The following SNX24 variants were observed in gnomAD, a reference collection of about 807,000 sequenced individuals.
The protein encoded by SNX24 is sorting nexin 24, also known as sorting nexin-24.
Under a neutral mutation model 28.7 loss-of-function variants are expected in SNX24, and 22 were observed. The ratio of observed to expected loss-of-function variants is 0.77; its 90% confidence interval spans 0.55 to 1.10. SNX24 has a LOEUF of 1.10. Among genes scored for constraint, SNX24 ranks in the 50% least tolerant of loss-of-function variants. SNX24 has a pLI of 0.00. For synonymous variants in SNX24, 69 were observed against 71.5 expected (o/e 0.96, Z 0.18); for missense variants, 221 against 201.1 (o/e 1.10, Z -0.60).
chr5:123,015,800 G>C (rs1762669465), intron 5 of SNX24, among the ~76,000 whole-genome samples: 1 of 152,062 alleles, frequency 6.6e-6, no homozygotes, highest in South Asian at 2.1e-4. Flanking sequence ...GAAGGAGCGG[G>C]CACAAAATCA....
chr5:123,015,364 C>T (rs1016276396), intron 5 of SNX24, among the ~76,000 whole-genome samples: 2 of 152,202 alleles, frequency 1.3e-5, no homozygotes, highest in Non-Finnish European at 2.9e-5. Context: ...GTTACATCCT[C>T]CTTGTTCTGA....
chr5:123,021,883 T>C (rs961201522), intron 5 of SNX24, among the ~76,000 whole-genome samples: 1 of 152,102 alleles, frequency 6.6e-6, no homozygotes, highest in African/African-American at 2.4e-5. Flanking sequence ...TATTTTCTCT[T>C]CCTTCCTCCT....
At chr5:122,999,809 G>A (rs1397952038) in intron 3 of SNX24, 103 bp from the exon 4 acceptor site, 7 of 761,148 alleles carry the variant, frequency 9.2e-6, no homozygotes, top group South Asian at 1.5e-5. Flanking sequence ...AATGTTGCTG[G>A]TAAGAACTTT....
At chr5:122,946,681 TC>T (rs1759703025) in intron 3 of SNX24, among the ~76,000 whole-genome samples, 1 of 152,174 alleles carries the variant, frequency 6.6e-6, no homozygotes, top group Non-Finnish European at 1.5e-5. Flanking sequence ...ACTGGGACAC[TC>T]TTTTCTGCAG....
intron 1 of SNX24, among the ~76,000 whole-genome samples, chr5:122,864,450 A>G (rs759453680): frequency 3.9e-5 from 6 of 152,254 alleles, no homozygotes; most frequent in South Asian, 2.1e-4. Context: ...GGGAACCGCA[A>G]CAGAGAAAGA....
At chr5:122,944,616 T>C (rs1581780753) in intron 2 of SNX24, among the ~76,000 whole-genome samples, 1 of 152,162 alleles carries the variant, frequency 6.6e-6, no homozygotes, top group East Asian at 1.9e-4. Flanking sequence ...GGTGTGGCAG[T>C]TTCATGATCA....
At chr5:122,875,047 C>T (rs898833724) in intron 1 of SNX24, among the ~76,000 whole-genome samples, 3 of 152,180 alleles carry the variant, frequency 2.0e-5, no homozygotes, top group Admixed American at 1.3e-4. Flanking sequence ...GATCTGAATA[C>T]AGTTCATACC....
chr5:122,933,333 T>A (rs1759042452), intron 1 of SNX24, among the ~76,000 whole-genome samples: 1 of 152,184 alleles, frequency 6.6e-6, no homozygotes, highest in Non-Finnish European at 1.5e-5. Context: ...GTTTACCCAA[T>A]CTCACGTGCC....
At chr5:122,877,214 G>A (rs1756264722) in intron 1 of SNX24, among the ~76,000 whole-genome samples, 1 of 152,144 alleles carries the variant, frequency 6.6e-6, no homozygotes, top group Admixed American at 6.5e-5. Context: ...CTCAAGCAGT[G>A]TCAGTGGGGC....
At chr5:122,973,771 A>G (rs980023093) in intron 3 of SNX24, among the ~76,000 whole-genome samples, 3 of 152,238 alleles carry the variant, frequency 2.0e-5, no homozygotes, top group Non-Finnish European at 2.9e-5. Flanking sequence ...AGTTTCTACA[A>G]AAGCCAAGTA....
intron 5 of SNX24, chr5:123,023,914 G>A (rs147714588): frequency 1.5e-4 from 240 of 1,613,578 alleles, no homozygotes; most frequent in African/African-American, 1.1e-3. Context: ...GCGTTTTCAC[G>A]TCTATCTTGC....
At chr5:122,879,220 C>T (rs1225702340) in intron 1 of SNX24, among the ~76,000 whole-genome samples, 1 of 152,144 alleles carries the variant, frequency 6.6e-6, no homozygotes, top group Non-Finnish European at 1.5e-5. Context: ...TTTGGACCAG[C>T]CATGTTTCAA....
At chr5:122,993,087 A>G (rs1761921506) in intron 3 of SNX24, among the ~76,000 whole-genome samples, 2 of 151,988 alleles carry the variant, frequency 1.3e-5, no homozygotes, top group Admixed American at 6.6e-5. Context: ...ATTTCTTGCA[A>G]GATACTCTAT....
intron 5 of SNX24, among the ~76,000 whole-genome samples, chr5:123,021,233 G>A (rs760759108): frequency 6.6e-6 from 1 of 151,724 alleles, no homozygotes; most frequent in Non-Finnish European, 1.5e-5. Context: ...ATATATTCAT[G>A]TAGTATAATT....
chr5:122,974,165 G>C (rs246317), intron 3 of SNX24, among the ~76,000 whole-genome samples: 1 of 152,192 alleles, frequency 6.6e-6, no homozygotes, highest in East Asian at 1.9e-4. Flanking sequence ...CTTACAAGGA[G>C]TATCTCAACA....
intron 1 of SNX24, among the ~76,000 whole-genome samples, chr5:122,846,341 C>G (rs1295741601): frequency 6.6e-6 from 1 of 151,908 alleles, no homozygotes; most frequent in Non-Finnish European, 1.5e-5. Context: ...GGCATGGGCC[C>G]TTTGAGCAAC....
At chr5:122,870,767 G>A (rs1240511872) in intron 1 of SNX24, among the ~76,000 whole-genome samples, 1 of 152,182 alleles carries the variant, frequency 6.6e-6, no homozygotes, top group East Asian at 1.9e-4. Context: ...AAAACTTCAG[G>A]TGTTAGCACC....
intron 1 of SNX24, among the ~76,000 whole-genome samples, chr5:122,873,483 G>A (rs566565965): frequency 9.2e-5 from 14 of 152,204 alleles, no homozygotes; most frequent in Admixed American, 7.2e-4. Flanking sequence ...TCCTTGGTAG[G>A]GCCTGAAGAG....
intron 1 of SNX24, among the ~76,000 whole-genome samples, chr5:122,883,766 T>A (rs1480131821): frequency 6.6e-6 from 1 of 152,118 alleles, no homozygotes; most frequent in African/African-American, 2.4e-5. Context: ...CCTCCCACCT[T>A]ACCCTCCGGA....
Sources: allele counts gnomAD v4.1 joint callset (sites outside exome capture counted in the v4.1 genomes callset), GRCh38; gene constraint gnomAD v4.1.1; transcripts MANE v1.5; gene names NCBI Gene and HGNC (gene_info 2026-07-23, HGNC 2026-07-21).